The following MBTD1 variants were observed in gnomAD, a reference collection of about 807,000 sequenced individuals.
MBTD1 encodes the protein MBT domain-containing protein 1.
Under a neutral mutation model 87.8 loss-of-function variants are expected in MBTD1, and 24 were observed. The observed-to-expected ratio is 0.27, with a 90% CI of 0.20 to 0.38. MBTD1 has a LOEUF of 0.38. Ranked by LOEUF, MBTD1 falls within the 10% of genes least tolerant of loss-of-function variation. The probability of loss-of-function intolerance (pLI) is 1.00; values close to 1 mark genes in which losing one functional copy is unlikely to be tolerated. For missense variants in MBTD1, 436 were observed against 760.2 expected (o/e 0.57, Z 5.02); for synonymous variants, 237 against 248.6 (o/e 0.95, Z 0.44).
chr17:51,259,818 C>T lies in MBTD1; in HGVS notation c.-113+17G>A, dbSNP rs979399605. ...CCCCACCTGGCACACAAAGCGGCTG[C>T]CGCGCTCGGCTCTCACCAGATCCTT... On this transcript the variant is annotated intron_variant, in intron 1 of 16. Transcript: ENST00000586178. The T allele has an allele frequency of 8.1e-7, 1 of 1,232,526 alleles. No homozygotes were observed. The highest frequency in any genetic ancestry group is 1.0e-6 in the Non-Finnish European group (1 of 988,360). 76.3% of individuals were successfully genotyped at this position (1,232,526 alleles called of 1,614,324 possible). A position where few individuals can be genotyped will look rare whatever the true frequency, so the allele number is the denominator to read the frequency against.
At chr17:51,222,045 G>A (rs2052931281) in intron 3 of MBTD1, among the ~76,000 whole-genome samples, 2 of 152,184 alleles carry the variant, frequency 1.3e-5, no homozygotes, top group South Asian at 2.1e-4. Flanking sequence ...GTTAAAGAAC[G>A]TTCTGAACAC....
intron 2 of MBTD1, among the ~76,000 whole-genome samples, chr17:51,254,532 A>C (rs929460073): frequency 3.9e-5 from 6 of 152,222 alleles, no homozygotes; most frequent in Non-Finnish European, 8.8e-5. Context: ...TATTCTACAT[A>C]GCAATATTTT....
Position 51,202,759 on chromosome 17 carries a change from G to A in MBTD1, c.1005C>T (p.Ser335=), listed in dbSNP as rs757113550. The change falls in exon 10 of 17, where the codon AGC becomes AGT. Residue 335 remains serine (S), a synonymous_variant. Transcript: ENST00000586178. ...RTDDFWCHMH[S]PLIHHIGWSR... ...ACCAACCAATATGATGTATTAATGG[G>A]CTGTGCATATGGCACCAGAAGTCAT... 3.7e-5 allele frequency: 59 copies of A among 1,613,976 alleles called. No individual in the cohort carries two copies. In the South Asian group the frequency reaches 5.3e-4, roughly 14 times the overall value.
intron 12 of MBTD1, among the ~76,000 whole-genome samples, chr17:51,195,663 G>A (rs1322593069): frequency 6.6e-6 from 1 of 152,220 alleles, no homozygotes; most frequent in Non-Finnish European, 1.5e-5. Context: ...ACTGGGCTGA[G>A]TGCTTACTAT....
rs568444710 is a variant in MBTD1 at position 51,189,572 on chromosome 17, T to C, written c.1768+2631A>G. Among the ~76,000 whole-genome samples, 256 of 152,264 alleles carry C rather than the reference T, an allele frequency of 1.7e-3. 2 individuals carry two copies. The highest frequency in any genetic ancestry group is 2.8e-4 in the Non-Finnish European group (19 of 68,020). On this transcript the variant is annotated intron_variant, in intron 16 of 16. Transcript: ENST00000586178. ...AACTCCACAAATCAGAAACAAATCCTACAAGAGTCACGCTGAGGGAGGCAA... is the reference window on the plus strand; with the variant it reads ...AACTCCACAAATCAGAAACAAATCCCACAAGAGTCACGCTGAGGGAGGCAA...
chr17:51,182,241 C>A (rs1336359745), intron 16 of MBTD1, among the ~76,000 whole-genome samples: 1 of 151,710 alleles, frequency 6.6e-6, no homozygotes. Context: ...TCTCATGCCT[C>A]AGCCTCCCGA....
chr17:51,236,916 G>T (rs1260323229), intron 2 of MBTD1, among the ~76,000 whole-genome samples: 1 of 151,996 alleles, frequency 6.6e-6, no homozygotes, highest in Admixed American at 6.6e-5. Context: ...TAACGTAAGA[G>T]TTCTATAAAA....
chr17:51,232,903 T>A (rs186568631), intron 2 of MBTD1, among the ~76,000 whole-genome samples: 4 of 150,812 alleles, frequency 2.7e-5, no homozygotes, highest in Admixed American at 2.6e-4. Context: ...ATAAAAAAAA[T>A]TAGGCAGCTG....
intron 16 of MBTD1, among the ~76,000 whole-genome samples, chr17:51,190,850 G>A (rs2050774090): frequency 6.7e-6 from 1 of 149,866 alleles, no homozygotes; most frequent in Non-Finnish European, 1.5e-5. Context: ...GGAGGCTGAG[G>A]TGGGCAGAGT....
intron 2 of MBTD1, chr17:51,250,040 A>C (rs1038170531): frequency 3.3e-5 from 5 of 151,212 alleles, no homozygotes; most frequent in Non-Finnish European, 5.9e-5. Context: ...GACTACAGGC[A>C]TGAGCCACCA....
rs1386137114 is a variant in MBTD1, at chr17:51,178,184, G to T, written c.*2392C>A. ...ATGGGGCGATTGAGTTGTACAACTG[G>T]AGTTATGGCTAAGACATAAATCTCC... On this transcript the variant is annotated 3_prime_UTR_variant, in exon 17 of 17. Coordinates refer to ENST00000586178, the MANE Select transcript of MBTD1 (RefSeq NM_017643.3). The T allele has an allele frequency of 6.6e-6, 1 of 152,176 alleles. No homozygotes were observed. Among genetic ancestry groups the T allele is most frequent in the African/African-American group, 2.4e-5 (1 of 41,446 alleles). 9.4% of individuals were successfully genotyped at this position (152,176 alleles called of 1,614,324 possible).
At chr17:51,182,767 G>T (rs1439923245) in intron 16 of MBTD1, among the ~76,000 whole-genome samples, 1 of 152,150 alleles carries the variant, frequency 6.6e-6, no homozygotes, top group East Asian at 1.9e-4. Flanking sequence ...CATATATGGG[G>T]TGTAAATTGG....
chr17:51,260,615 C>A (rs757348078), upstream of MBTD1: 5 of 1,612,724 alleles, frequency 3.1e-6, no homozygotes, highest in South Asian at 5.5e-5. Flanking sequence ...ACGAATGAAA[C>A]TGGACCGGAG....
At chr17:51,199,102 T>A (rs1401816731) in intron 12 of MBTD1, among the ~76,000 whole-genome samples, 1 of 151,820 alleles carries the variant, frequency 6.6e-6, no homozygotes, top group Non-Finnish European at 1.5e-5. Context: ...AGTCTTTATT[T>A]TTTTCTTTTT....
At chr17:51,181,146 C>A (rs530691462) in intron 16 of MBTD1, among the ~76,000 whole-genome samples, 3 of 151,916 alleles carry the variant, frequency 2.0e-5, no homozygotes, top group Non-Finnish European at 2.9e-5. Flanking sequence ...TCAGCACCGC[C>A]CCCCCAAGTA....
intron 12 of MBTD1, among the ~76,000 whole-genome samples, chr17:51,200,209 A>G (rs2051381385): frequency 6.6e-6 from 1 of 152,128 alleles, no homozygotes; most frequent in African/African-American, 2.4e-5. Flanking sequence ...ATGTAAGTAG[A>G]CTTTCCTTAG....
At chr17:51,257,536 C>A (rs2055162632) in intron 2 of MBTD1, among the ~76,000 whole-genome samples, 1 of 152,124 alleles carries the variant, frequency 6.6e-6, no homozygotes. Flanking sequence ...GGACCAAAAG[C>A]AGCACTAGAA....
chr17:51,215,659 A>G (rs971100232), intron 6 of MBTD1, among the ~76,000 whole-genome samples: 1 of 152,210 alleles, frequency 6.6e-6, no homozygotes, highest in Non-Finnish European at 1.5e-5. Flanking sequence ...TGTGTATGGA[A>G]TATTTCTCAC....
intron 2 of MBTD1, 29 bp downstream of exon 2, chr17:51,259,114 G>A: frequency 2.3e-6 from 1 of 444,428 alleles, no homozygotes; most frequent in Non-Finnish European, 3.7e-6. Flanking sequence ...AGTGCTTTTA[G>A]GGGTGTAAGC....
Sources: gnomAD v4.1 joint callset for allele counts (sites outside exome capture counted in the v4.1 genomes callset) on GRCh38, gnomAD v4.1.1 for gene constraint, MANE v1.5 for transcripts, NCBI Gene and HGNC (gene_info 2026-07-23, HGNC 2026-07-21) for gene names.